Variants in CAPN11 observed in about 807,000 individuals in gnomAD.
The protein encoded by CAPN11 is calpain 11.
Under a neutral mutation model 105.3 loss-of-function variants are expected in CAPN11, and 108 were observed. The ratio of observed to expected loss-of-function variants is 1.03; its 90% confidence interval spans 0.88 to 1.20. The LOEUF (loss-of-function observed/expected upper bound fraction) is 1.20, where lower values mean the gene tolerates loss of function less well. Ranked by LOEUF, CAPN11 falls within the 50% of genes most tolerant of loss-of-function variation. CAPN11 has a pLI of 0.00. For synonymous variants in CAPN11, 329 were observed against 344.5 expected (o/e 0.96, Z 0.50); for missense variants, 883 against 924.8 (o/e 0.95, Z 0.59).
chr6:44,183,737 G>A lies in CAPN11; in HGVS notation c.2167G>A (p.Gly723Ser), dbSNP rs1436061067. 3 of 1,613,856 alleles carry A rather than the reference G, an allele frequency of 1.9e-6. No individual in the cohort carries two copies. Among genetic ancestry groups the A allele is most frequent in the Admixed American group, 1.7e-5 (1 of 60,016 alleles). Residue 723 changes from glycine (G) to serine (S), a missense_variant, in exon 22 of 23, where the codon GGC becomes AGC. Coordinates refer to ENST00000398776, the MANE Select transcript of CAPN11 (RefSeq NM_007058.4). ...FFLTMDPKNT[G>S]HICLSLEQWL... is the part of the protein sequence containing the mutation. The stretch of plus-strand genomic sequence containing the variant: ...TCTAACCATGGACCCCAAGAATACT[G>A]GCCATATTTGCTTGAGCCTGGAACA...
At chr6:44,159,131 C>CAGG (rs71678396) in intron 1 of CAPN11, among the ~76,000 whole-genome samples, 37,388 of 151,844 alleles carry the variant, frequency 0.25, 5,548 homozygotes, top group African/African-American at 0.39. Context: ...GTAGGCCGGG[C>CAGG]AGGAACTCTT....
Position 44,181,432 on chromosome 6 carries a change from A to C in CAPN11, c.1938+112A>C, listed in dbSNP as rs561796221. On this transcript the variant is annotated intron_variant, in intron 19 of 22. Transcript: ENST00000398776. ...AAGCCCTAACCACACACACACACAC[A>C]CCCAACCACACCACACTCACACACA... is the stretch of plus-strand genomic sequence containing the variant. 597 of 624,318 alleles carry C rather than the reference A, an allele frequency of 9.6e-4. 163 individuals are homozygous for C. Among genetic ancestry groups the C allele is most frequent in the Middle Eastern group, 2.1e-3 (5 of 2,344 alleles). The allele number at this position is 624,318 out of a possible 1,614,324, so 38.7% of individuals were successfully genotyped here.
rs763320065 is a variant in CAPN11, at chr6:44,176,984, G to C, written c.1223G>C (p.Cys408Ser). Residue 408 changes from cysteine (C) to serine (S), a missense_variant, in exon 11 of 23, where the codon TGC (cysteine) becomes TCC (serine). Cys to Ser is a moderately radical substitution (Grantham distance 112, BLOSUM62 -1). Transcript: ENST00000398776. ...CGCAGAGGCAGCTCCGCAGGGGGCTGCAGGAACCACCCTGGTGGGTGAGGG... is the reference window on the plus strand; with the variant it reads ...CGCAGAGGCAGCTCCGCAGGGGGCTCCAGGAACCACCCTGGTGGGTGAGGG... ...SWRRGSSAGG[C>S]RNHPGTFWTN... 1.2e-6 allele frequency: 2 copies of C among 1,612,914 alleles called. No homozygotes were observed. Among genetic ancestry groups the C allele is most frequent in the Non-Finnish European group, 1.7e-6 (2 of 1,179,728 alleles).
At chr6:44,169,232 C>A (rs757625154) in intron 2 of CAPN11, 49 bp from the exon 3 acceptor site, 93 of 1,540,234 alleles carry the variant, frequency 6.0e-5, no homozygotes, top group Non-Finnish European at 7.0e-5. Context: ...CTGTGCCCAG[C>A]TTATTACATT....
chr6:44,182,952 A>G lies in CAPN11; in HGVS notation c.1950A>G (p.Arg650=). 19 of 1,608,364 alleles carry G rather than the reference A, an allele frequency of 1.2e-5. No homozygotes were observed. Among genetic ancestry groups the G allele is most frequent in the Non-Finnish European group, 1.5e-5 (18 of 1,176,774 alleles). The change falls in exon 20 of 23, where the codon AGA becomes AGG. Residue 650 remains arginine, a synonymous_variant. Transcript: ENST00000398776. Reference sequence around the variant, plus strand: ...GTCTGTCTCTTCAGGACATCTTCAGAGAGTGTGACCAGGACCATTCAGGCA... The same window carrying G: ...GTCTGTCTCTTCAGGACATCTTCAGGGAGTGTGACCAGGACCATTCAGGCA... The part of the protein sequence containing the change: ...KKLKKWMDIF[R]ECDQDHSGTL...
At position 44,166,769 on chromosome 6, in the gene CAPN11, C is replaced by T. The variant is rs755679773; in HGVS notation, c.28C>T (p.Pro10Ser). The change falls in exon 2 of 23, where the codon CCG becomes TCG. Residue 10 changes from proline to serine, a missense_variant. Transcript: ENST00000398776. ...CTTTCTTATTCTAGGGCCGAGTCTT[C>T]CGGAGTCAGCAGAGAGCCTGGATGG... is the stretch of plus-strand genomic sequence containing the variant. MLYSPGPSL[P>S]ESAESLDGSQ... 28 of 1,551,890 alleles carry T rather than the reference C, an allele frequency of 1.8e-5. No homozygotes were observed. In the East Asian group the frequency reaches 6.8e-4, roughly 38 times the overall value.
At position 44,169,274 on chromosome 6, in the gene CAPN11, TAAGCAGA is replaced by T; in HGVS notation, c.89-6_89del. 6.3e-7 allele frequency: 1 copy of T among 1,594,872 alleles called. No individual in the cohort carries two copies. The highest frequency in any genetic ancestry group is 1.8e-5 in the Admixed American group (1 of 55,442). On this transcript the variant is annotated splice_acceptor_variant and splice_polypyrimidine_tract_variant and coding_sequence_variant and intron_variant, in exon 3 of 23. Transcript: ENST00000398776. LOFTEE classifies it high-confidence loss of function. ...TTGCGTTATTTCTCTTTTTTTTTCT[TAAGCAGA>T]GCCCACTTTTACTGATACGGGAATG... is the stretch of plus-strand genomic sequence containing the variant.
In CAPN11 at chr6:44,184,243, T is replaced by A; in HGVS notation, c.*311T>A. ...GATGCTTCCCCAGGGTCCCCCTGGC[T>A]GGGGAGGCCAAGAATAGGGAAGGGA... On this transcript the variant is annotated 3_prime_UTR_variant, in exon 23 of 23. Transcript: ENST00000398776. 2 of 453,808 alleles carry A rather than the reference T, an allele frequency of 4.4e-6. No individual in the cohort carries two copies. The highest frequency in any genetic ancestry group is 8.0e-6 in the Non-Finnish European group (2 of 250,072). The allele number at this position is 453,808 out of a possible 1,614,324, so 28.1% of individuals were successfully genotyped here. A position where few individuals can be genotyped will look rare whatever the true frequency, so the allele number is the denominator to read the frequency against.
chr6:44,178,391 G>A (rs975576684), intron 12 of CAPN11, among the ~76,000 whole-genome samples: 1 of 152,098 alleles, frequency 6.6e-6, no homozygotes, highest in African/African-American at 2.4e-5. Context: ...GCCCTGATAA[G>A]CATTTCCCAA....
chr6:44,181,410 C>A, intron 19 of CAPN11, 90 bp downstream of exon 19: 4 of 984,624 alleles, frequency 4.1e-6, no homozygotes, highest in African/African-American at 2.2e-5. Flanking sequence ...AGAACCCAAG[C>A]CCTAACCACA....
chr6:44,173,106 C>T (rs1263029379), intron 6 of CAPN11, 33 bp downstream of exon 6: 2 of 1,609,644 alleles, frequency 1.2e-6, no homozygotes. Context: ...GGGGGCTTGC[C>T]TTGCCTCTGT....
intron 19 of CAPN11, among the ~76,000 whole-genome samples, chr6:44,182,182 A>G: frequency 5.7e-5 from 6 of 104,562 alleles, no homozygotes; most frequent in African/African-American, 1.1e-4. Context: ...ACACATACAC[A>G]CTCACATACA....
chr6:44,179,687 G>A, intron 13 of CAPN11, 57 bp downstream of exon 13: 1 of 1,574,042 alleles, frequency 6.4e-7, no homozygotes, highest in Non-Finnish European at 8.7e-7. Flanking sequence ...TCCACCCCTG[G>A]CTGCAAGTGG....
Position 44,183,192 on chromosome 6 carries a change from T to C in CAPN11, c.2091T>C (p.Phe697=). ...RYADDDLIID[F]DSFISCFLRL... is the part of the protein sequence containing the mutation. Reference sequence around the variant, plus strand: ...CAGATGATGACCTGATCATAGACTTTGACAGCTTCATCAGCTGTTTCCTGA... The same window carrying C: ...CAGATGATGACCTGATCATAGACTTCGACAGCTTCATCAGCTGTTTCCTGA... Residue 697 remains phenylalanine (F), a synonymous_variant, in exon 21 of 23, where the codon TTT becomes TTC. Transcript: ENST00000398776. 6.2e-7 allele frequency: 1 copy of C among 1,613,600 alleles called. No individual in the cohort carries two copies. Among genetic ancestry groups the C allele is most frequent in the Non-Finnish European group, 8.5e-7 (1 of 1,179,512 alleles).
chr6:44,162,616 C>T (rs971933137), intron 1 of CAPN11, among the ~76,000 whole-genome samples: 1 of 152,152 alleles, frequency 6.6e-6, no homozygotes, highest in South Asian at 2.1e-4. Flanking sequence ...TGCACCCCAC[C>T]CTCAGGGGAA....
intron 21 of CAPN11, 95 bp from the exon 22 acceptor site, chr6:44,183,610 A>G (rs539395958): frequency 5.3e-6 from 6 of 1,124,206 alleles, no homozygotes; most frequent in African/African-American, 4.6e-5. Flanking sequence ...AGCCAGGAAC[A>G]CCTGGTGTCG....
intron 4 of CAPN11, 78 bp from the exon 5 acceptor site, chr6:44,172,224 C>G (rs1319107888): frequency 3.2e-6 from 3 of 930,680 alleles, no homozygotes; most frequent in Non-Finnish European, 4.9e-6. Flanking sequence ...GTTCCTGCTC[C>G]CCTAGGCCTT....
At position 44,184,067 on chromosome 6, in the gene CAPN11, G is replaced by T. The variant is rs41282656; in HGVS notation, c.*135G>T. The T allele has an allele frequency of 1.1e-6, 1 of 932,458 alleles. No homozygotes were observed. The highest frequency in any genetic ancestry group is 1.6e-6 in the Non-Finnish European group (1 of 611,668). 57.8% of individuals were successfully genotyped at this position (932,458 alleles called of 1,614,324 possible). Reference sequence around the variant, plus strand: ...AAATGGGCTCCAGGTGGCAGTGCCCGGGTCCCAGGTGCCGTGTTTACTGCA... The same window carrying T: ...AAATGGGCTCCAGGTGGCAGTGCCCTGGTCCCAGGTGCCGTGTTTACTGCA... On this transcript the variant is annotated 3_prime_UTR_variant, in exon 23 of 23. Coordinates refer to ENST00000398776, the MANE Select transcript of CAPN11 (RefSeq NM_007058.4).
chr6:44,180,424 C>G (rs1582886293), intron 14 of CAPN11, 36 bp from the exon 15 acceptor site: 1 of 1,611,556 alleles, frequency 6.2e-7, no homozygotes, highest in Non-Finnish European at 8.5e-7. Flanking sequence ...CCTCCCTCCC[C>G]CTGGTAACTC....
Sources: gnomAD v4.1 joint callset for allele counts (sites outside exome capture counted in the v4.1 genomes callset) on GRCh38, gnomAD v4.1.1 for gene constraint, MANE v1.5 for transcripts, NCBI Gene and HGNC (gene_info 2026-07-23, HGNC 2026-07-21) for gene names.